The following SDCCAG8 variants were observed in gnomAD, a reference collection of about 807,000 sequenced individuals.
SDCCAG8 encodes SHH signaling and ciliogenesis regulator SDCCAG8.
SDCCAG8 carries 74 observed loss-of-function variants against 101.8 expected under a neutral mutation model. The ratio of observed to expected loss-of-function variants is 0.73; its 90% CI spans 0.60 to 0.88. The LOEUF is 0.88. Ranked by LOEUF, SDCCAG8 falls within the 40% of genes least tolerant of loss-of-function variation. SDCCAG8 has a pLI of 0.00. For synonymous variants in SDCCAG8, 281 were observed against 292.9 expected (o/e 0.96, Z 0.41); for missense variants, 787 against 822.6 (o/e 0.96, Z 0.53).
At chr1:243,266,729 AT>A (rs2067617575) in intron 1 of SDCCAG8, among the ~76,000 whole-genome samples, 1 of 132,330 alleles carries the variant, frequency 7.6e-6, no homozygotes, top group Non-Finnish European at 1.6e-5. Flanking sequence ...GCCGAGGTGT[AT>A]TTTTCTGTAC....
intron 16 of SDCCAG8, among the ~76,000 whole-genome samples, chr1:243,449,790 G>T (rs541234959): frequency 2.0e-5 from 3 of 152,234 alleles, no homozygotes; most frequent in African/African-American, 7.2e-5. Context: ...GCTCCTTTTG[G>T]CCTTTTGCCT....
chr1:243,299,498 C>T (rs554485464), intron 6 of SDCCAG8, among the ~76,000 whole-genome samples: 1 of 152,288 alleles, frequency 6.6e-6, no homozygotes, highest in East Asian at 1.9e-4. Flanking sequence ...ACTGCAACCT[C>T]TGCCTCCCAG....
intron 1 of SDCCAG8, chr1:243,267,600 C>T: frequency 1.8e-6 from 1 of 568,068 alleles, no homozygotes; most frequent in South Asian, 1.7e-5. Flanking sequence ...CAAACTCCCT[C>T]TCAAGAAAAA....
intron 12 of SDCCAG8, among the ~76,000 whole-genome samples, chr1:243,350,714 C>A (rs2076037964): frequency 6.6e-6 from 1 of 152,168 alleles, no homozygotes; most frequent in African/African-American, 2.4e-5. Flanking sequence ...TTAACTACAG[C>A]AACTACAAAT....
intron 16 of SDCCAG8, among the ~76,000 whole-genome samples, chr1:243,477,628 G>A (rs144877412): frequency 3.3e-5 from 5 of 152,360 alleles, no homozygotes; most frequent in Non-Finnish European, 7.3e-5. Flanking sequence ...TAGAAGCACT[G>A]TTTGAAGAAG....
intron 3 of SDCCAG8, 86 bp downstream of exon 3, chr1:243,271,149 T>G: frequency 5.5e-6 from 5 of 905,464 alleles, no homozygotes; most frequent in South Asian, 5.3e-5. Context: ...CAGAAAAAAT[T>G]TAAGCATGGC....
intron 12 of SDCCAG8, among the ~76,000 whole-genome samples, chr1:243,368,540 A>G (rs562397334): frequency 6.6e-6 from 1 of 152,316 alleles, no homozygotes; most frequent in South Asian, 2.1e-4. Context: ...ACCTTCGTTA[A>G]CATAGCTCTT....
chr1:243,413,646 T>A (rs946869810), intron 13 of SDCCAG8, among the ~76,000 whole-genome samples: 4 of 152,266 alleles, frequency 2.6e-5, no homozygotes, highest in South Asian at 2.1e-4. Context: ...TTGGTATAAT[T>A]ATTAATAGTG....
intron 13 of SDCCAG8, among the ~76,000 whole-genome samples, chr1:243,403,308 G>A (rs1323076863): frequency 6.6e-6 from 1 of 152,176 alleles, no homozygotes; most frequent in Non-Finnish European, 1.5e-5. Flanking sequence ...TGTAGCTTAT[G>A]TCAGGAAATT....
At chr1:243,300,339 A>G (rs1487897840) in intron 6 of SDCCAG8, among the ~76,000 whole-genome samples, 3 of 152,064 alleles carry the variant, frequency 2.0e-5, no homozygotes, top group Non-Finnish European at 2.9e-5. Flanking sequence ...AAATATTTCT[A>G]TACTAAATCC....
chr1:243,368,040 C>T (rs2077080089), intron 12 of SDCCAG8, among the ~76,000 whole-genome samples: 1 of 151,330 alleles, frequency 6.6e-6, no homozygotes, highest in African/African-American at 2.4e-5. Context: ...ATGACAAAAC[C>T]CCGTCTCTAC....
chr1:243,352,356 A>G (rs1395530717), intron 12 of SDCCAG8, among the ~76,000 whole-genome samples: 2 of 152,218 alleles, frequency 1.3e-5, no homozygotes, highest in Non-Finnish European at 1.5e-5. Context: ...CTGAAGAAAT[A>G]TAATGTTTGC....
chr1:243,379,267 G>A (rs1478539885), intron 13 of SDCCAG8, among the ~76,000 whole-genome samples: 3 of 152,174 alleles, frequency 2.0e-5, no homozygotes, highest in African/African-American at 7.2e-5. Flanking sequence ...TAAATAAATT[G>A]TAAGATGCAA....
intron 6 of SDCCAG8, among the ~76,000 whole-genome samples, chr1:243,296,801 G>A (rs995772105): frequency 2.0e-5 from 3 of 151,626 alleles, no homozygotes; most frequent in Non-Finnish European, 4.4e-5. Flanking sequence ...CCAAAGTGCT[G>A]GGATTACAGG....
chr1:243,489,025 T>C lies in SDCCAG8; in HGVS notation c.1997T>C (p.Leu666Pro). 6.2e-7 allele frequency: 1 copy of C among 1,613,444 alleles called. No individual in the cohort carries two copies. Among genetic ancestry groups the C allele is most frequent in the Non-Finnish European group, 8.5e-7 (1 of 1,180,040 alleles). ...GGATTTTTCTCCAGGCTAAGGCAGC[T>C]GGATAAGCACAGCCAGGCCACAGCC... ...HETMKQRLRQ[L>P]DKHSQATAQQ... The change falls in exon 17 of 18, where the codon CTG (leucine) becomes CCG (proline). Residue 666 changes from leucine to proline, a missense_variant. Coordinates refer to ENST00000366541, the MANE Select transcript of SDCCAG8 (RefSeq NM_006642.5).
intron 10 of SDCCAG8, among the ~76,000 whole-genome samples, chr1:243,338,561 T>C (rs567288176): frequency 1.2e-4 from 19 of 152,320 alleles, no homozygotes; most frequent in African/African-American, 4.6e-4. Flanking sequence ...TCCTTGGTGT[T>C]GCACTGAGCA....
intron 16 of SDCCAG8, among the ~76,000 whole-genome samples, chr1:243,472,491 C>T (rs1661462648): frequency 6.6e-6 from 1 of 152,034 alleles, no homozygotes. Flanking sequence ...GGCAATGACC[C>T]CAAAAACGGA....
chr1:243,389,946 G>A (rs1275273086), intron 13 of SDCCAG8, among the ~76,000 whole-genome samples: 1 of 152,062 alleles, frequency 6.6e-6, no homozygotes, highest in Non-Finnish European at 1.5e-5. Flanking sequence ...TCAGGCACTG[G>A]GTGTTTAGCA....
At chr1:243,276,020 C>T (rs775795280) in intron 4 of SDCCAG8, among the ~76,000 whole-genome samples, 5 of 151,906 alleles carry the variant, frequency 3.3e-5, no homozygotes, top group Admixed American at 1.3e-4. Context: ...TGCGCCACCA[C>T]GCCCAGCTAA....
Sources: allele counts gnomAD v4.1 joint callset (sites outside exome capture counted in the v4.1 genomes callset), GRCh38; gene constraint gnomAD v4.1.1; transcripts MANE v1.5; gene names NCBI Gene and HGNC (gene_info 2026-07-23, HGNC 2026-07-21).